MEF2C: variants seen among roughly 807,000 people sequenced by gnomAD.
MEF2C encodes the protein myocyte enhancer factor 2C.
In MEF2C, 6 loss-of-function variants were observed where a neutral mutation model predicts 50.5. The observed-to-expected ratio is 0.12, with a 90% CI of 0.07 to 0.23. The LOEUF is 0.23. Ranked by LOEUF, MEF2C falls within the 10% of genes least tolerant of loss-of-function variation. The pLI is 1.00. For synonymous variants in MEF2C, 183 were observed against 228.0 expected (o/e 0.80, Z 1.78); for missense variants, 276 against 605.0 (o/e 0.46, Z 5.70).
chr5:88,774,375 T>C (rs893496445), intron 3 of MEF2C, among the ~76,000 whole-genome samples: 1 of 148,094 alleles, frequency 6.8e-6, no homozygotes, highest in Non-Finnish European at 1.5e-5. Flanking sequence ...CAGGCTGGAG[T>C]GCAGTGGGGC....
At chr5:88,812,025 A>G (rs188332646) in intron 2 of MEF2C, among the ~76,000 whole-genome samples, 1 of 152,288 alleles carries the variant, frequency 6.6e-6, no homozygotes, top group East Asian at 1.9e-4. Flanking sequence ...ATATAATACC[A>G]GTGTAAATAA....
chr5:88,735,079 G>A, intron 6 of MEF2C: 2 of 985,338 alleles, frequency 2.0e-6, no homozygotes, highest in Non-Finnish European at 2.4e-6. Flanking sequence ...ATGCAAGACT[G>A]TGGATCCTAA....
intron 1 of MEF2C, chr5:88,824,228 A>G: frequency 1.0e-6 from 1 of 976,628 alleles, no homozygotes; most frequent in Non-Finnish European, 1.2e-6. Context: ...AAAGTTTCCT[A>G]ATCTTTTTAA....
At chr5:88,743,445 A>AC in intron 6 of MEF2C, 2 of 985,430 alleles carry the variant, frequency 2.0e-6, no homozygotes, top group Non-Finnish European at 2.4e-6. Flanking sequence ...GTACAGAAAA[A>AC]TTAAGCATTG....
At position 88,761,010 on chromosome 5, in the gene MEF2C, A is replaced by G. The variant is rs1777593668; in HGVS notation, c.402+175T>C. 4.3e-6 allele frequency: 7 copies of G among 1,610,504 alleles called. No homozygotes were observed. In the East Asian group the frequency reaches 1.6e-4, roughly 36 times the overall value. ...TACAGGAATTTTATGACTCTTGATCATATTATCAAATTCTTCATTAATTTT... is the reference window on the plus strand; with the variant it reads ...TACAGGAATTTTATGACTCTTGATCGTATTATCAAATTCTTCATTAATTTT... On this transcript the variant is annotated intron_variant, in intron 4 of 10. Coordinates refer to ENST00000504921, the MANE Select transcript of MEF2C (RefSeq NM_002397.5).
At chr5:88,759,986 T>G (rs532677657) in intron 4 of MEF2C, among the ~76,000 whole-genome samples, 6 of 152,362 alleles carry the variant, frequency 3.9e-5, no homozygotes, top group African/African-American at 1.4e-4. Context: ...CCAAAACATA[T>G]TTTCACTTCA....
At chr5:88,775,261 G>T (rs1784235157) in intron 3 of MEF2C, among the ~76,000 whole-genome samples, 1 of 152,106 alleles carries the variant, frequency 6.6e-6, no homozygotes, top group Non-Finnish European at 1.5e-5. Context: ...ATTGGGGGTT[G>T]CTGTGCCTGG....
chr5:88,799,075 G>C (rs188804781), intron 3 of MEF2C, among the ~76,000 whole-genome samples: 66 of 152,338 alleles, frequency 4.3e-4, no homozygotes, highest in African/African-American at 1.2e-3. Context: ...TGAGGTGTCT[G>C]TCGACCCCTG....
At chr5:88,800,202 C>T (rs1275713196) in intron 3 of MEF2C, among the ~76,000 whole-genome samples, 1 of 152,122 alleles carries the variant, frequency 6.6e-6, no homozygotes, top group African/African-American at 2.4e-5. Context: ...GGTTACAAAA[C>T]GTGCTGGATA....
At chr5:88,728,045 A>G (rs536642130) in intron 10 of MEF2C, among the ~76,000 whole-genome samples, 1 of 152,062 alleles carries the variant, frequency 6.6e-6, no homozygotes, top group Non-Finnish European at 1.5e-5. Flanking sequence ...CTATACTATG[A>G]GTACATTATA....
intron 3 of MEF2C, among the ~76,000 whole-genome samples, chr5:88,797,455 CTTTTTTTTTTT>C (rs879036291): frequency 1.4e-4 from 9 of 63,282 alleles, no homozygotes; most frequent in East Asian, 4.8e-4. Context: ...CAACCCTTGC[CTTTTTTTTTTT>C]TTTTTTTTTT....
rs1469073254 is a variant in MEF2C at position 88,721,274 on chromosome 5, G to T, written c.*1330C>A. On this transcript the variant is annotated 3_prime_UTR_variant, in exon 11 of 11. Coordinates refer to ENST00000504921, the MANE Select transcript of MEF2C (RefSeq NM_002397.5). The stretch of plus-strand genomic sequence containing the variant: ...GAATTCCAAGATGCATGGTGAAATG[G>T]TGAGATCAGAAAGGGGCCCTGCATT... The T allele has an allele frequency of 6.6e-6, 1 of 152,586 alleles. No homozygotes were observed. The highest frequency in any genetic ancestry group is 1.5e-5 in the Non-Finnish European group (1 of 68,020). The allele number at this position is 152,586 out of a possible 1,614,324, so 9.5% of individuals were successfully genotyped here.
intron 10 of MEF2C, among the ~76,000 whole-genome samples, 160 bp downstream of exon 10, chr5:88,728,333 T>C (rs1381104329): frequency 6.6e-6 from 1 of 152,154 alleles, no homozygotes; most frequent in African/African-American, 2.4e-5. Context: ...TATATAAGAT[T>C]TAAGCTACTT....
intron 3 of MEF2C, among the ~76,000 whole-genome samples, chr5:88,765,920 C>T (rs949243497): frequency 3.9e-5 from 6 of 152,220 alleles, no homozygotes; most frequent in Admixed American, 2.6e-4. Flanking sequence ...CAGAGTGACA[C>T]TGTTGAGGTA....
chr5:88,807,365 A>AG (rs1328144782), intron 2 of MEF2C, among the ~76,000 whole-genome samples: 1 of 152,114 alleles, frequency 6.6e-6, no homozygotes, highest in Admixed American at 6.5e-5. Flanking sequence ...CTGGTACTAC[A>AG]GGCGTGCACC....
intron 3 of MEF2C, among the ~76,000 whole-genome samples, chr5:88,794,609 A>G (rs1795231673): frequency 6.6e-6 from 1 of 152,056 alleles, no homozygotes; most frequent in Non-Finnish European, 1.5e-5. Flanking sequence ...CACTCTGATG[A>G]TCGTTTCTTC....
intron 3 of MEF2C, among the ~76,000 whole-genome samples, chr5:88,799,499 G>C (rs1446725859): frequency 6.6e-6 from 1 of 152,200 alleles, no homozygotes; most frequent in Non-Finnish European, 1.5e-5. Context: ...GTGATACTGA[G>C]TTTGTAAAGA....
chr5:88,764,695 C>T (rs1779236399), intron 3 of MEF2C, among the ~76,000 whole-genome samples: 1 of 150,448 alleles, frequency 6.6e-6, no homozygotes, highest in Non-Finnish European at 1.5e-5. Context: ...GTAATTGCAG[C>T]TACTTGGGAG....
intron 6 of MEF2C, chr5:88,735,733 G>A (rs1257371852): frequency 1.0e-6 from 1 of 985,166 alleles, no homozygotes; most frequent in South Asian, 4.7e-5. Context: ...GCAAACACTT[G>A]CTGCATTTTT....
Sources: gnomAD v4.1 joint callset for allele counts (sites outside exome capture counted in the v4.1 genomes callset) on GRCh38, gnomAD v4.1.1 for gene constraint, MANE v1.5 for transcripts, NCBI Gene and HGNC (gene_info 2026-07-23, HGNC 2026-07-21) for gene names.